Variants in ELF4 observed in about 807,000 individuals in gnomAD.
ELF4 encodes E74 like ETS transcription factor 4.
In ELF4, 10 loss-of-function variants were observed where a neutral mutation model predicts 31.7. That is an observed-to-expected ratio of 0.32 (90% CI 0.19 to 0.54). The LOEUF (loss-of-function observed/expected upper bound fraction) is 0.54, where lower values mean the gene tolerates loss of function less well. ELF4 is among the 20% of genes least tolerant of loss of function. The probability of loss-of-function intolerance (pLI) is 0.95; values close to 1 mark genes in which losing one functional copy is unlikely to be tolerated. For missense variants in ELF4, 418 were observed against 522.0 expected (o/e 0.80, Z 1.94); for synonymous variants, 208 against 226.7 (o/e 0.92, Z 0.74).
chrX:130,108,662 T>G (rs1312299888), intron 1 of ELF4, among the ~76,000 whole-genome samples: 2 of 110,903 alleles, frequency 1.8e-5, no homozygotes, highest in African/African-American at 3.3e-5. Flanking sequence ...GCCCCTAGGT[T>G]GTCCAGGGGT....
intron 2 of ELF4, among the ~76,000 whole-genome samples, chrX:130,075,426 G>A (rs1002537503): frequency 1.8e-4 from 20 of 109,817 alleles, no homozygotes; most frequent in Admixed American, 1.9e-4. Flanking sequence ...ACAGGCACCC[G>A]CCACCACACC....
intron 1 of ELF4, among the ~76,000 whole-genome samples, chrX:130,108,208 C>CAA (rs1264200270): frequency 1.1e-5 from 1 of 88,076 alleles, no homozygotes; most frequent in Non-Finnish European, 2.2e-5. Flanking sequence ...AACTCCATCT[C>CAA]AAAAAAAAAA....
intron 1 of ELF4, among the ~76,000 whole-genome samples, chrX:130,102,865 AG>A: frequency 1.5e-5 from 1 of 66,151 alleles, no homozygotes; most frequent in Admixed American, 1.8e-4. Context: ...AGAGAGAGAG[AG>A]AGAGAGAGAG....
At chrX:130,109,925 G>A (rs1933445515) in intron 1 of ELF4, among the ~76,000 whole-genome samples, 1 of 112,876 alleles carries the variant, frequency 8.9e-6, no homozygotes, top group African/African-American at 3.2e-5. Context: ...TGACCCTAAA[G>A]CCCTGGCCCC....
intron 1 of ELF4, among the ~76,000 whole-genome samples, chrX:130,102,942 G>GA (rs1933308007): frequency 2.3e-5 from 2 of 88,531 alleles, no homozygotes; most frequent in Admixed American, 2.4e-4. Context: ...GAGGGAGGGA[G>GA]GAAGGAAGGA....
intron 8 of ELF4, among the ~76,000 whole-genome samples, chrX:130,068,805 C>G (rs1259510647): frequency 8.9e-6 from 1 of 112,393 alleles, no homozygotes; most frequent in East Asian, 2.8e-4. Flanking sequence ...CGTGTAAGCC[C>G]CCGGATGTGT....
intron 1 of ELF4, among the ~76,000 whole-genome samples, chrX:130,088,159 C>T (rs372016127): frequency 2.2e-4 from 24 of 110,648 alleles, no homozygotes; most frequent in African/African-American, 6.6e-4. Flanking sequence ...ACTCAGGAGG[C>T]GGAGGTTGCA....
intron 1 of ELF4, among the ~76,000 whole-genome samples, chrX:130,090,712 C>T (rs993377990): frequency 8.9e-6 from 1 of 112,642 alleles, no homozygotes; most frequent in Non-Finnish European, 1.9e-5. Context: ...CCCAGCCCTG[C>T]GGTCCATTTT....
Position 130,071,323 on chromosome X carries a change from C to T in ELF4, c.616+13G>A. ...CTCCCTCCCCACCTCACCTGAGTCC[C>T]AGCTGTCCATACCTTTGCCATCCTT... On this transcript the variant is annotated intron_variant, in intron 6 of 8. Coordinates refer to ENST00000308167, the MANE Select transcript of ELF4 (RefSeq NM_001421.4). The T allele has an allele frequency of 8.3e-7, 1 of 1,212,002 alleles. No homozygotes were observed. The highest frequency in any genetic ancestry group is 1.1e-6 in the Non-Finnish European group (1 of 895,461).
rs1293396013 is a variant in ELF4 at position 130,074,124 on chromosome X, A to C, written c.265T>G (p.Ser89Ala). The C allele has an allele frequency of 3.3e-6, 4 of 1,209,757 alleles. No homozygotes were observed. The Admixed American group carries it at 8.8e-5, about 26-fold the overall frequency. The stretch of plus-strand genomic sequence containing the variant: ...ACTTCCGCGGTTGACATGGTGTGCG[A>C]GGTGGCCTCATTGTCATCTGGTCCG... ...FLLTDDNEAT[S>A]HTMSTAEVLL... Residue 89 changes from serine to alanine, a missense_variant, in exon 4 of 9, where the codon TCG becomes GCG. Physicochemically the swap from Ser to Ala is moderately conservative, Grantham distance 99. Transcript: ENST00000308167.
chrX:130,086,938 C>T (rs757577450), intron 1 of ELF4, among the ~76,000 whole-genome samples: 8 of 112,040 alleles, frequency 7.1e-5, no homozygotes, highest in Non-Finnish European at 1.3e-4. Context: ...CAGGCTGCTG[C>T]GGCTGGTGCA....
rs530565075 is a variant in ELF4, at chrX:130,078,762, T to TACACACACACACAC, written c.75+2480_75+2493dup. ...ACAAGAGCAAAACTCTCTCTCTCTCTACACACACACACACACACACACACA... is the reference window on the plus strand; with the variant it reads ...ACAAGAGCAAAACTCTCTCTCTCTCTACACACACACACACACACACACACACACACACACACACA... On this transcript the variant is annotated intron_variant, in intron 2 of 8. Coordinates refer to ENST00000308167, the MANE Select transcript of ELF4 (RefSeq NM_001421.4). Among the ~76,000 whole-genome samples, 28 of 84,883 alleles carry TACACACACACACAC rather than the reference T, an allele frequency of 3.3e-4. 1 individual carries two copies. The highest frequency in any genetic ancestry group is 4.3e-4 in the Non-Finnish European group (19 of 43,763). The allele number at this position is 84,883 out of a possible 115,157, so 73.7% of individuals were successfully genotyped here.
rs60216838 is a variant in ELF4, at chrX:130,105,854, C to CTGTGTG, written c.-210+4465_-210+4470dup. Among the ~76,000 whole-genome samples, 317 of 86,488 alleles carry CTGTGTG rather than the reference C, an allele frequency of 3.7e-3. 5 individuals carry two copies. The highest frequency in any genetic ancestry group is 0.022 in the East Asian group (57 of 2,555). 75.1% of individuals were successfully genotyped at this position (86,488 alleles called of 115,157 possible). ...GCCATCTCTCCCACTCCCCAGGGGC[C>CTGTGTG]TGTGTGTGTGTGTGTGTGTGTGTGT... On this transcript the variant is annotated intron_variant, in intron 1 of 8. Coordinates refer to ENST00000308167, the MANE Select transcript of ELF4 (RefSeq NM_001421.4).
chrX:130,110,315 A>G lies in ELF4; in HGVS notation c.-210+10T>C, dbSNP rs1381127153. The G allele has an allele frequency of 9.2e-6, 1 of 108,877 alleles. No individual in the cohort carries two copies. The highest frequency in any genetic ancestry group is 1.9e-5 in the Non-Finnish European group (1 of 51,802). 9.0% of individuals were successfully genotyped at this position (108,877 alleles called of 1,213,427 possible). A position where few individuals can be genotyped will look rare whatever the true frequency, so the allele number is the denominator to read the frequency against. ...CCCCAAGGCTCGAAGAACCGGCGCC[A>G]TCGACGTACCTGAGGCCGAGTGGCT... On this transcript the variant is annotated intron_variant, in intron 1 of 8. Coordinates refer to ENST00000308167, the MANE Select transcript of ELF4 (RefSeq NM_001421.4).
intron 1 of ELF4, among the ~76,000 whole-genome samples, chrX:130,090,340 T>G (rs1431424937): frequency 1.9e-5 from 2 of 107,138 alleles, no homozygotes; most frequent in African/African-American, 6.9e-5. Flanking sequence ...GCCACTGCAC[T>G]CCAGCCTGGG....
chrX:130,083,017 C>G (rs1603204830), intron 1 of ELF4, among the ~76,000 whole-genome samples: 1 of 110,202 alleles, frequency 9.1e-6, no homozygotes, highest in East Asian at 2.9e-4. Flanking sequence ...TGACCGCTCT[C>G]CCCCACAGGA....
intron 1 of ELF4, among the ~76,000 whole-genome samples, chrX:130,107,269 C>G (rs959739372): frequency 6.5e-5 from 7 of 108,065 alleles, no homozygotes; most frequent in Non-Finnish European, 9.5e-5. Context: ...CAGAGCAAGA[C>G]TCCATCTCAA....
intron 1 of ELF4, among the ~76,000 whole-genome samples, chrX:130,083,832 C>CTGGATGGATGGCTGGA (rs1556204159): frequency 2.9e-5 from 3 of 103,188 alleles, no homozygotes; most frequent in Non-Finnish European, 5.9e-5. Flanking sequence ...GGATGGATGG[C>CTGGATGGATGGCTGGA]TGGATGGATG....
chrX:130,068,308 G>A (rs1438758642), intron 8 of ELF4, among the ~76,000 whole-genome samples: 2 of 112,120 alleles, frequency 1.8e-5, no homozygotes, highest in African/African-American at 3.2e-5. Context: ...CCATACCTAT[G>A]TTATCCTTTG....
Sources: gnomAD v4.1 joint callset for allele counts (sites outside exome capture counted in the v4.1 genomes callset) on GRCh38, gnomAD v4.1.1 for gene constraint, MANE v1.5 for transcripts, NCBI Gene and HGNC (gene_info 2026-07-23, HGNC 2026-07-21) for gene names.